The following ZFR variants were observed in gnomAD, a reference collection of about 807,000 sequenced individuals.
The protein encoded by ZFR is zinc finger RNA binding protein, also known as zinc finger RNA-binding protein.
ZFR carries 19 observed loss-of-function variants against 130.7 expected under a neutral mutation model. That is an observed-to-expected ratio of 0.15 (90% confidence interval 0.10 to 0.21). The LOEUF (loss-of-function observed/expected upper bound fraction) is 0.21, where lower values mean the gene tolerates loss of function less well. Among genes scored for constraint, ZFR ranks in the 10% least tolerant of loss-of-function variants. The pLI is 1.00. For missense variants in ZFR, 872 were observed against 1,321.5 expected (o/e 0.66, Z 5.27); for synonymous variants, 466 against 456.9 (o/e 1.02, Z -0.25).
Position 32,417,988 on chromosome 5 carries a change from C to T in ZFR, c.421-196G>A, listed in dbSNP as rs531909982. Reference sequence around the variant, plus strand: ...ATTAAAATAATATCAAGGCTGGGTGCGGTGGCTCACGCCTGTAATCCCAGC... The same window carrying T: ...ATTAAAATAATATCAAGGCTGGGTGTGGTGGCTCACGCCTGTAATCCCAGC... On this transcript the variant is annotated intron_variant, in intron 3 of 19. Transcript: ENST00000265069. Among the ~76,000 whole-genome samples the T allele has an allele frequency of 4.7e-4, 72 of 152,216 alleles. No homozygotes were observed. The South Asian group carries it at 0.013, about 28-fold the overall frequency.
intron 19 of ZFR, among the ~76,000 whole-genome samples, chr5:32,359,183 A>G (rs944003411): frequency 1.3e-5 from 2 of 152,102 alleles, no homozygotes; most frequent in South Asian, 2.1e-4. Context: ...CCGTCTCAAA[A>G]AAACAAAAAA....
intron 17 of ZFR, among the ~76,000 whole-genome samples, chr5:32,373,364 G>A (rs35634506): frequency 0.14 from 21,855 of 152,098 alleles, 1,851 homozygotes; most frequent in African/African-American, 0.23. Flanking sequence ...CTGCACTCCA[G>A]CATGGGTGAC....
chr5:32,355,999 C>A, intron 19 of ZFR, 60 bp from the exon 20 acceptor site: 1 of 1,352,502 alleles, frequency 7.4e-7, no homozygotes. Flanking sequence ...GTAATACTTA[C>A]TACATTTACC....
intron 15 of ZFR, among the ~76,000 whole-genome samples, chr5:32,383,185 G>C (rs1329000258): frequency 6.6e-6 from 1 of 152,122 alleles, no homozygotes; most frequent in Non-Finnish European, 1.5e-5. Context: ...AAACAAAACA[G>C]CCACACAAAG....
chr5:32,364,449 T>G, intron 17 of ZFR, 174 bp from the exon 18 acceptor site: 1 of 403,598 alleles, frequency 2.5e-6, no homozygotes. Context: ...AATTAAGGAA[T>G]AGGCCGGGCA....
chr5:32,399,922 A>G (rs115599207), intron 9 of ZFR, 85 bp downstream of exon 9: 16,487 of 1,190,924 alleles, frequency 0.014, 166 homozygotes, highest in African/African-American at 0.039. Flanking sequence ...AATTAAGTAT[A>G]TTTAATTTTA....
chr5:32,425,846 C>T (rs993349088), intron 2 of ZFR, among the ~76,000 whole-genome samples: 4 of 152,056 alleles, frequency 2.6e-5, no homozygotes, highest in Non-Finnish European at 5.9e-5. Flanking sequence ...ATAGTAAATA[C>T]CAATATAACC....
At chr5:32,393,291 A>C (rs993921400) in intron 11 of ZFR, among the ~76,000 whole-genome samples, 3 of 152,234 alleles carry the variant, frequency 2.0e-5, no homozygotes, top group African/African-American at 7.2e-5. Flanking sequence ...TCAAAAAATA[A>C]TTAAAATGTC....
At chr5:32,428,530 C>T (rs1280360715) in intron 2 of ZFR, among the ~76,000 whole-genome samples, 1 of 152,228 alleles carries the variant, frequency 6.6e-6, no homozygotes, top group Admixed American at 6.5e-5. Flanking sequence ...TGAGCTGTGA[C>T]TGCACCACTA....
chr5:32,428,627 C>T (rs1332140308), intron 2 of ZFR, among the ~76,000 whole-genome samples: 1 of 152,180 alleles, frequency 6.6e-6, no homozygotes, highest in East Asian at 1.9e-4. Flanking sequence ...CATCATCCTA[C>T]AAATACCTTT....
chr5:32,388,772 A>T (rs1200301960), intron 12 of ZFR, 98 bp from the exon 13 acceptor site: 6 of 1,107,356 alleles, frequency 5.4e-6, no homozygotes, highest in Non-Finnish European at 6.4e-6. Flanking sequence ...CTTTTCAATA[A>T]GAAAGCCTTT....
intron 2 of ZFR, among the ~76,000 whole-genome samples, chr5:32,430,805 G>C (rs1351468748): frequency 6.6e-6 from 1 of 152,196 alleles, no homozygotes; most frequent in Non-Finnish European, 1.5e-5. Flanking sequence ...GCTGATTGTG[G>C]TGCCTCACAC....
intron 2 of ZFR, among the ~76,000 whole-genome samples, chr5:32,431,779 A>C (rs1474989412): frequency 1.3e-5 from 2 of 151,940 alleles, no homozygotes; most frequent in African/African-American, 4.8e-5. Flanking sequence ...AAAAAAAAAA[A>C]AAAAAGACAA....
chr5:32,397,557 G>A (rs968752662), intron 9 of ZFR, among the ~76,000 whole-genome samples: 3 of 151,664 alleles, frequency 2.0e-5, no homozygotes, highest in South Asian at 2.1e-4. Flanking sequence ...GGGTTCAAGC[G>A]ATTCTCCCGC....
intron 15 of ZFR, among the ~76,000 whole-genome samples, chr5:32,380,604 T>C (rs998287791): frequency 2.6e-5 from 4 of 151,470 alleles, no homozygotes; most frequent in Middle Eastern, 6.8e-3. Context: ...ATGCTCAATA[T>C]AGTTACAGTT....
chr5:32,368,433 T>C (rs901538826), intron 17 of ZFR, among the ~76,000 whole-genome samples: 16 of 152,146 alleles, frequency 1.1e-4, no homozygotes, highest in Non-Finnish European at 2.1e-4. Flanking sequence ...TGGGAGTTTC[T>C]CCATATCGGT....
At chr5:32,410,533 T>C (rs1753684507) in intron 5 of ZFR, among the ~76,000 whole-genome samples, 1 of 150,760 alleles carries the variant, frequency 6.6e-6, no homozygotes, top group Admixed American at 6.6e-5. Context: ...GGAGGATCTC[T>C]TGAGGTGGAG....
chr5:32,440,096 G>A (rs1754435258), intron 2 of ZFR, among the ~76,000 whole-genome samples: 1 of 152,022 alleles, frequency 6.6e-6, no homozygotes, highest in Non-Finnish European at 1.5e-5. Context: ...TGTCATAATA[G>A]TTCTCTCCGC....
intron 2 of ZFR, among the ~76,000 whole-genome samples, chr5:32,443,197 A>G (rs1158846770): frequency 2.0e-5 from 3 of 152,242 alleles, no homozygotes; most frequent in East Asian, 1.9e-4. Flanking sequence ...CATAAAAAGC[A>G]TATCACGCAG....
Sources: allele counts gnomAD v4.1 joint callset (sites outside exome capture counted in the v4.1 genomes callset), GRCh38; gene constraint gnomAD v4.1.1; transcripts MANE v1.5; gene names NCBI Gene and HGNC (gene_info 2026-07-23, HGNC 2026-07-21).